Variants in SERPINI1 observed in about 807,000 individuals in gnomAD.
SERPINI1 encodes neuroserpin.
In SERPINI1, 19 loss-of-function variants were observed where a neutral mutation model predicts 41.1. The observed-to-expected ratio is 0.46, with a 90% CI of 0.32 to 0.68. The LOEUF (loss-of-function observed/expected upper bound fraction) is 0.68. Ranked by LOEUF, SERPINI1 falls within the 30% of genes least tolerant of loss-of-function variation. The pLI, the probability that SERPINI1 is intolerant of heterozygous loss-of-function variation, is 0.03. For synonymous variants in SERPINI1, 138 were observed against 156.6 expected, an observed-to-expected ratio of 0.88 and a Z score of 0.89; for missense variants, 460 against 479.2, an observed-to-expected ratio of 0.96 and a Z score of 0.37.
chr3:167,815,526 A>G (rs1170174058), intron 6 of SERPINI1, among the ~76,000 whole-genome samples: 2 of 151,846 alleles, frequency 1.3e-5, no homozygotes, highest in Non-Finnish European at 2.9e-5. Flanking sequence ...AGTAGCTGCT[A>G]TTACAGGTGC....
At chr3:167,801,063 C>A (rs1001950400) in intron 5 of SERPINI1, among the ~76,000 whole-genome samples, 6 of 152,250 alleles carry the variant, frequency 3.9e-5, no homozygotes, top group Admixed American at 2.6e-4. Flanking sequence ...GGTGATCCAC[C>A]TGCCTCGGCC....
chr3:167,789,201 G>A lies in SERPINI1; in HGVS notation c.73G>A (p.Ala25Thr), dbSNP rs752703576. 1.9e-6 allele frequency: 3 copies of A among 1,614,152 alleles called. No homozygotes were observed. The highest frequency in any genetic ancestry group is 2.5e-6 in the Non-Finnish European group (3 of 1,180,000). ...TACAGGGGCCACTTTCCCTGAGGAA[G>A]CCATTGCTGACTTGTCAGTGAATAT... ...MATGATFPEEAIADLSVNMYN... is the reference protein window; with the variant it reads ...MATGATFPEETIADLSVNMYN... Residue 25 changes from alanine (A) to threonine (T), a missense_variant, in exon 2 of 9, where the codon GCC becomes ACC. Ala to Thr is a moderately conservative substitution (Grantham distance 58). Coordinates refer to ENST00000446050, the MANE Select transcript of SERPINI1 (RefSeq NM_001122752.2).
intron 6 of SERPINI1, among the ~76,000 whole-genome samples, chr3:167,812,950 T>C (rs1156410366): frequency 6.6e-6 from 1 of 152,154 alleles, no homozygotes; most frequent in Non-Finnish European, 1.5e-5. Flanking sequence ...AGCATTTGGA[T>C]TAATAGATAA....
chr3:167,771,861 G>A (rs146154759), intron 1 of SERPINI1, among the ~76,000 whole-genome samples: 1,544 of 152,290 alleles, frequency 0.01, 14 homozygotes, highest in South Asian at 0.028. Context: ...GCACGCGCAC[G>A]CACATGCACA....
intron 1 of SERPINI1, among the ~76,000 whole-genome samples, chr3:167,769,129 G>A (rs1319213327): frequency 6.6e-6 from 1 of 152,106 alleles, no homozygotes. Context: ...GAGTAGCTGG[G>A]ACTACAGGTG....
At chr3:167,807,814 T>TA (rs528021924) in intron 6 of SERPINI1, among the ~76,000 whole-genome samples, 190 of 152,112 alleles carry the variant, frequency 1.2e-3, no homozygotes, top group Non-Finnish European at 2.0e-3. Context: ...AATTCTTTAA[T>TA]AAAAAAATAA....
intron 6 of SERPINI1, among the ~76,000 whole-genome samples, chr3:167,811,407 A>T (rs1451103551): frequency 7.9e-5 from 12 of 151,906 alleles, no homozygotes; most frequent in Non-Finnish European, 1.6e-4. Flanking sequence ...TAAAAGACAG[A>T]ATGGGAACAT....
intron 1 of SERPINI1, among the ~76,000 whole-genome samples, chr3:167,744,199 C>T (rs147369814): frequency 3.3e-4 from 50 of 152,164 alleles, no homozygotes; most frequent in East Asian, 5.8e-4. Flanking sequence ...CTTAATCTCT[C>T]TAAACTTTGG....
chr3:167,818,707 A>T (rs1420865558), intron 6 of SERPINI1, among the ~76,000 whole-genome samples: 1 of 152,072 alleles, frequency 6.6e-6, no homozygotes, highest in African/African-American at 2.4e-5. Context: ...AACTACCACC[A>T]CCATCATTTT....
At chr3:167,757,147 GA>G (rs1397323624) in intron 1 of SERPINI1, among the ~76,000 whole-genome samples, 2 of 152,140 alleles carry the variant, frequency 1.3e-5, no homozygotes, top group African/African-American at 4.8e-5. Context: ...GTGCTGGAAG[GA>G]ATCTGAAAGA....
chr3:167,823,133 T>A (rs1329306948), intron 7 of SERPINI1, 61 bp downstream of exon 7: 3 of 1,094,294 alleles, frequency 2.7e-6, no homozygotes, highest in Non-Finnish European at 4.3e-6. Context: ...CAATCTTGAG[T>A]GGGGAGTGGG....
intron 1 of SERPINI1, among the ~76,000 whole-genome samples, chr3:167,740,818 T>G (rs1450642000): frequency 6.6e-6 from 1 of 152,244 alleles, no homozygotes; most frequent in Non-Finnish European, 1.5e-5. Context: ...TCCTTGCCTC[T>G]AGAACTCTGC....
chr3:167,792,774 AT>A lies in SERPINI1; in HGVS notation c.670del (p.Tyr224IlefsTer19). 6.2e-7 allele frequency: 1 copy of A among 1,613,108 alleles called. No individual in the cohort carries two copies. Among genetic ancestry groups the A allele is most frequent in the Non-Finnish European group, 8.5e-7 (1 of 1,179,292 alleles). On this transcript the variant is annotated frameshift_variant, in exon 4 of 9. Coordinates refer to ENST00000446050, the MANE Select transcript of SERPINI1 (RefSeq NM_001122752.2). LOFTEE classifies it high-confidence loss of function. ...QIPMMYQQGE[F>X]YYGEFSDGSN... The stretch of plus-strand genomic sequence containing the variant: ...TTCCAATGATGTATCAGCAAGGAGA[AT>A]TTTATTATGGTAAGACATTTTTTGC...
chr3:167,737,217 T>A (rs2420034), intron 1 of SERPINI1, among the ~76,000 whole-genome samples: 84,872 of 151,888 alleles, frequency 0.56, 26,487 homozygotes, highest in African/African-American at 0.85. Context: ...TAAGTGACTT[T>A]TCAGTGTGTA....
In SERPINI1 at chr3:167,759,059, G is replaced by A. The variant is rs150852759; in HGVS notation, c.-19+23236G>A. On this transcript the variant is annotated intron_variant, in intron 1 of 8. Coordinates refer to ENST00000446050, the MANE Select transcript of SERPINI1 (RefSeq NM_001122752.2). Reference sequence around the variant, plus strand: ...CCAGTTGTTTCAGTGACTTGCCCAAGGCCACTCATTATAGAGCCAGGTGTT... The same window carrying A: ...CCAGTTGTTTCAGTGACTTGCCCAAAGCCACTCATTATAGAGCCAGGTGTT... 2.8e-4 allele frequency among the ~76,000 whole-genome samples: 43 copies of A among 152,206 alleles called. 2 individuals are homozygous for A. The East Asian group carries it at 8.1e-3, about 29-fold the overall frequency.
chr3:167,808,128 T>A (rs1326803783), intron 6 of SERPINI1, among the ~76,000 whole-genome samples: 1 of 80,448 alleles, frequency 1.2e-5, no homozygotes, highest in African/African-American at 6.4e-5. Flanking sequence ...CAAAAAATAG[T>A]AATGATAATA....
At chr3:167,775,044 T>C (rs1726917347) in intron 1 of SERPINI1, among the ~76,000 whole-genome samples, 1 of 152,038 alleles carries the variant, frequency 6.6e-6, no homozygotes, top group South Asian at 2.1e-4. Context: ...TGCTGTCCTG[T>C]ATTAAGATAT....
chr3:167,750,936 G>T (rs1164987800), intron 1 of SERPINI1, among the ~76,000 whole-genome samples: 1 of 151,846 alleles, frequency 6.6e-6, no homozygotes, highest in Non-Finnish European at 1.5e-5. Flanking sequence ...TAAAAAATTA[G>T]ACAGCTGCAA....
At position 167,825,532 on chromosome 3, in the gene SERPINI1, G is replaced by A. The variant is rs1712491541; in HGVS notation, c.*209G>A. The A allele has an allele frequency of 3.8e-6, 2 of 526,710 alleles. No homozygotes were observed. The highest frequency in any genetic ancestry group is 6.8e-6 in the Non-Finnish European group (2 of 295,370). The allele number at this position is 526,710 out of a possible 1,614,324, so 32.6% of individuals were successfully genotyped here. The stretch of plus-strand genomic sequence containing the variant: ...TCCTGTTATGTCATTGTGTTTGTGT[G>A]CTGTTGTTTAAAATAAAAGTACCTA... On this transcript the variant is annotated 3_prime_UTR_variant, in exon 9 of 9. Coordinates refer to ENST00000446050, the MANE Select transcript of SERPINI1 (RefSeq NM_001122752.2).
Sources: gnomAD v4.1 joint callset for allele counts (sites outside exome capture counted in the v4.1 genomes callset) on GRCh38, gnomAD v4.1.1 for gene constraint, MANE v1.5 for transcripts, NCBI Gene and HGNC (gene_info 2026-07-23, HGNC 2026-07-21) for gene names.